Variants in TULP4 observed in about 807,000 individuals in gnomAD.
TULP4 encodes tubby-related protein 4.
In TULP4, 16 loss-of-function variants were observed where a neutral mutation model predicts 129.0. The observed-to-expected ratio is 0.12, with a 90% CI of 0.08 to 0.19. The LOEUF (loss-of-function observed/expected upper bound fraction) is 0.19, where lower values mean the gene tolerates loss of function less well. Ranked by LOEUF, TULP4 falls within the 10% of genes least tolerant of loss-of-function variation. TULP4 has a pLI of 1.00. For missense variants in TULP4, 1,842 were observed against 2,059.1 expected, an observed-to-expected ratio of 0.89 and a Z score of 2.04; for synonymous variants, 998 against 854.0, an observed-to-expected ratio of 1.17 and a Z score of -2.94.
chr6:158,505,929 A>G (rs1780590152), intron 13 of TULP4, among the ~76,000 whole-genome samples: 2 of 151,306 alleles, frequency 1.3e-5, no homozygotes, highest in Admixed American at 1.3e-4. Flanking sequence ...TTACGTGCAT[A>G]ATGGGGGGTG....
Position 158,325,956 on chromosome 6 carries a change from G to T in TULP4, c.252+11688G>T, listed in dbSNP as rs530055024. Among the ~76,000 whole-genome samples, 7 of 121,112 alleles carry T rather than the reference G, an allele frequency of 5.8e-5. No homozygotes were observed. In the East Asian group the frequency reaches 1.7e-3, roughly 29 times the overall value. The allele number at this position is 121,112 out of a possible 152,430, so 79.5% of individuals were successfully genotyped here. Reference sequence around the variant, plus strand: ...AGGCTCATACTATTATTTTTTTGATGAATCAATTTTAGGATTTTGTCTATT... The same window carrying T: ...AGGCTCATACTATTATTTTTTTGATTAATCAATTTTAGGATTTTGTCTATT... On this transcript the variant is annotated intron_variant, in intron 1 of 13. Transcript: ENST00000367097.
chr6:158,291,714 A>G (rs1285313667), intron 1 of TULP4, among the ~76,000 whole-genome samples: 1 of 151,398 alleles, frequency 6.6e-6, no homozygotes, highest in Non-Finnish European at 1.5e-5. Context: ...GATCTCTTAT[A>G]TTTCTATCTC....
intron 1 of TULP4, among the ~76,000 whole-genome samples, chr6:158,330,737 C>T (rs1562522731): frequency 6.6e-6 from 1 of 152,208 alleles, no homozygotes; most frequent in African/African-American, 2.4e-5. Context: ...TTCCTCTACA[C>T]AGGATACAGT....
chr6:158,329,298 A>C (rs7767022), intron 1 of TULP4, among the ~76,000 whole-genome samples: 106,478 of 151,642 alleles, frequency 0.7, 37,745 homozygotes, highest in Middle Eastern at 0.74. Flanking sequence ...ACTTTTCTTT[A>C]TCCTCCTAGT....
intron 1 of TULP4, among the ~76,000 whole-genome samples, chr6:158,250,538 G>A (rs1778121492): frequency 6.6e-6 from 1 of 152,202 alleles, no homozygotes; most frequent in Non-Finnish European, 1.5e-5. Flanking sequence ...TAAATTTATT[G>A]TAAAATAGAG....
At chr6:158,482,631 A>G (rs868469209) in intron 8 of TULP4, among the ~76,000 whole-genome samples, 3 of 152,286 alleles carry the variant, frequency 2.0e-5, no homozygotes, top group South Asian at 2.1e-4. Context: ...AGGGCCACCA[A>G]TGGTTAGAGA....
At chr6:158,408,246 C>T (rs551651720) in intron 1 of TULP4, among the ~76,000 whole-genome samples, 2 of 152,170 alleles carry the variant, frequency 1.3e-5, no homozygotes, top group South Asian at 2.1e-4. Flanking sequence ...ACTCACCAGG[C>T]GGCAAGGGGC....
intron 1 of TULP4, among the ~76,000 whole-genome samples, chr6:158,326,954 G>A (rs1018842295): frequency 2.0e-5 from 3 of 152,134 alleles, no homozygotes; most frequent in African/African-American, 7.2e-5. Flanking sequence ...CAAAATCAAC[G>A]TTTGTATGCT....
In TULP4 at chr6:158,343,325, G is replaced by C. The variant is rs771704029; in HGVS notation, c.252+29057G>C. On this transcript the variant is annotated intron_variant, in intron 1 of 13. Coordinates refer to ENST00000367097, the MANE Select transcript of TULP4 (RefSeq NM_020245.5). The stretch of plus-strand genomic sequence containing the variant: ...AACTTGGTTAGTTAACTCATTGCTG[G>C]TCTGCTTTTTCTTTTCTTGTGTTTC... 2.0e-4 allele frequency among the ~76,000 whole-genome samples: 31 copies of C among 152,256 alleles called. 1 individual carries two copies. The South Asian group carries it at 3.5e-3, about 17-fold the overall frequency.
chr6:158,337,427 G>A (rs932626411), intron 1 of TULP4, among the ~76,000 whole-genome samples: 4 of 152,052 alleles, frequency 2.6e-5, no homozygotes, highest in East Asian at 1.9e-4. Flanking sequence ...CACCACTCCC[G>A]TTCAGCTGTA....
chr6:158,426,265 T>G (rs1483522746), intron 2 of TULP4, among the ~76,000 whole-genome samples: 2 of 152,240 alleles, frequency 1.3e-5, no homozygotes, highest in Non-Finnish European at 2.9e-5. Context: ...TTGTTGCTAT[T>G]GCTTTTGGTA....
intron 1 of TULP4, among the ~76,000 whole-genome samples, chr6:158,284,936 G>T (rs921510559): frequency 6.6e-6 from 1 of 152,198 alleles, no homozygotes; most frequent in Admixed American, 6.5e-5. Context: ...CATGTTTTCT[G>T]CCTCAGATAT....
intron 1 of TULP4, among the ~76,000 whole-genome samples, chr6:158,249,031 G>T (rs904233957): frequency 4.0e-5 from 6 of 151,380 alleles, no homozygotes; most frequent in African/African-American, 1.5e-4. Flanking sequence ...AGGCTGAGGT[G>T]GGAGGATCAC....
intron 1 of TULP4, among the ~76,000 whole-genome samples, chr6:158,332,589 C>T (rs749012810): frequency 7.9e-5 from 12 of 152,030 alleles, no homozygotes; most frequent in Admixed American, 5.9e-4. Flanking sequence ...AGGCCATTGG[C>T]AGCTGGGAGT....
At chr6:158,276,911 T>G (rs1418553296) in intron 1 of TULP4, among the ~76,000 whole-genome samples, 1 of 151,944 alleles carries the variant, frequency 6.6e-6, no homozygotes, top group African/African-American at 2.4e-5. Context: ...TCTGCTGGTC[T>G]TCTTTTTTTT....
At chr6:158,308,788 C>A (rs1779268693), upstream of TULP4, among the ~76,000 whole-genome samples, 1 of 135,622 alleles carries the variant, frequency 7.4e-6, no homozygotes, top group African/African-American at 2.8e-5. Flanking sequence ...CCGGACGGGG[C>A]AGCTGGCCGG....
chr6:158,266,220 A>G (rs1194262350), intron 1 of TULP4, among the ~76,000 whole-genome samples: 1 of 152,214 alleles, frequency 6.6e-6, no homozygotes, highest in East Asian at 1.9e-4. Context: ...AGTGGTTTTC[A>G]TAATTATACT....
At chr6:158,305,549 A>G (rs529773814) in intron 1 of TULP4, among the ~76,000 whole-genome samples, 1 of 151,832 alleles carries the variant, frequency 6.6e-6, no homozygotes, top group East Asian at 1.9e-4. Context: ...AAAATTAAAA[A>G]AAAAAAATTA....
chr6:158,306,745 C>A (rs1478187050), intron 1 of TULP4, among the ~76,000 whole-genome samples: 1 of 152,164 alleles, frequency 6.6e-6, no homozygotes, highest in African/African-American at 2.4e-5. Flanking sequence ...TGGCTGGGTG[C>A]AGTGGCTGAC....
Sources: gnomAD v4.1 joint callset for allele counts (sites outside exome capture counted in the v4.1 genomes callset) on GRCh38, gnomAD v4.1.1 for gene constraint, MANE v1.5 for transcripts, NCBI Gene and HGNC (gene_info 2026-07-23, HGNC 2026-07-21) for gene names.